The following CHODL variants were observed in gnomAD, a reference collection of about 807,000 sequenced individuals.
The protein encoded by CHODL is chondrolectin, also known as transmembrane protein MT75.
In CHODL, 29 loss-of-function variants were observed where a neutral mutation model predicts 34.5. The observed-to-expected ratio is 0.84, with a 90% CI of 0.63 to 1.15. The LOEUF (loss-of-function observed/expected upper bound fraction) is 1.15. Ranked by LOEUF, CHODL falls within the 50% of genes most tolerant of loss-of-function variation. The pLI, the probability that CHODL is intolerant of heterozygous loss-of-function variation, is 0.00. For synonymous variants in CHODL, 125 were observed against 116.1 expected (o/e 1.08, Z -0.49); for missense variants, 332 against 332.5 (o/e 1.00, Z 0.01).
chr21:17,991,411 C>T (rs369624136), intron 1 of CHODL, among the ~76,000 whole-genome samples: 65 of 152,118 alleles, frequency 4.3e-4, no homozygotes, highest in Middle Eastern at 6.8e-3. Context: ...TATTAATTTA[C>T]ATTCCCACCA....
At chr21:18,145,463 A>G (rs898219257) in intron 2 of CHODL, among the ~76,000 whole-genome samples, 6 of 149,606 alleles carry the variant, frequency 4.0e-5, no homozygotes, top group Admixed American at 4.0e-4. Context: ...AAAAAGCGGC[A>G]TTCAATATGA....
intron 2 of CHODL, among the ~76,000 whole-genome samples, chr21:18,184,154 C>T (rs2073413875): frequency 6.6e-6 from 1 of 151,982 alleles, no homozygotes; most frequent in Admixed American, 6.6e-5. Flanking sequence ...ACAAAGCATC[C>T]TAAGAAAATC....
intron 4 of CHODL, 93 bp from the exon 5 acceptor site, chr21:18,262,698 T>C (rs1268949336): frequency 1.4e-6 from 1 of 730,816 alleles, no homozygotes. Flanking sequence ...GAAAATTCTA[T>C]TTCACCTGAA....
chr21:18,259,584 G>T (rs1412635386), intron 3 of CHODL, among the ~76,000 whole-genome samples: 7 of 152,032 alleles, frequency 4.6e-5, no homozygotes, highest in Non-Finnish European at 1.0e-4. Context: ...ATAAAACTAG[G>T]GAAAGAAACA....
At chr21:18,218,218 T>C (rs1375615749) in intron 2 of CHODL, among the ~76,000 whole-genome samples, 4 of 152,252 alleles carry the variant, frequency 2.6e-5, no homozygotes, top group Non-Finnish European at 5.9e-5. Context: ...AGGTTCTCCA[T>C]GAGGGTTCTG....
At chr21:18,240,190 A>G (rs986312840), upstream of CHODL, among the ~76,000 whole-genome samples, 1 of 152,132 alleles carries the variant, frequency 6.6e-6, no homozygotes, top group Non-Finnish European at 1.5e-5. Flanking sequence ...GTGACATTTT[A>G]CAATTAAATT....
intron 2 of CHODL, among the ~76,000 whole-genome samples, chr21:18,078,307 T>G (rs1001403518): frequency 2.6e-5 from 4 of 151,950 alleles, no homozygotes; most frequent in African/African-American, 4.8e-5. Context: ...CAAGAAAGTG[T>G]GTGCAGGGGA....
intron 2 of CHODL, among the ~76,000 whole-genome samples, chr21:18,215,208 A>G (rs2073813006): frequency 6.6e-6 from 1 of 151,948 alleles, no homozygotes; most frequent in East Asian, 1.9e-4. Context: ...TGAAAAAAAA[A>G]AAAAGGTTTT....
At chr21:18,096,179 T>C (rs1755767903) in intron 2 of CHODL, among the ~76,000 whole-genome samples, 1 of 152,228 alleles carries the variant, frequency 6.6e-6, no homozygotes, top group Admixed American at 6.5e-5. Context: ...TGTAATTTCC[T>C]ATCCCTGTCT....
chr21:18,191,728 G>A (rs73893017), intron 2 of CHODL, among the ~76,000 whole-genome samples: 2,130 of 152,160 alleles, frequency 0.014, 50 homozygotes, highest in African/African-American at 0.046. Context: ...GCAAGATTTC[G>A]CTTATATATG....
At chr21:17,922,598 A>G (rs2063191389) in intron 1 of CHODL, among the ~76,000 whole-genome samples, 1 of 152,228 alleles carries the variant, frequency 6.6e-6, no homozygotes, top group African/African-American at 2.4e-5. Flanking sequence ...TTAATTGCCC[A>G]TGTAGTGTGA....
At chr21:18,211,072 C>T (rs2073768242) in intron 2 of CHODL, among the ~76,000 whole-genome samples, 1 of 151,904 alleles carries the variant, frequency 6.6e-6, no homozygotes, top group Non-Finnish European at 1.5e-5. Flanking sequence ...CTCACCACTC[C>T]TGTTCATACA....
chr21:18,159,565 T>C (rs11702737), intron 2 of CHODL, among the ~76,000 whole-genome samples: 90,597 of 152,074 alleles, frequency 0.6, 29,360 homozygotes, highest in Non-Finnish European at 0.74. Flanking sequence ...TTTCGAGAAC[T>C]TTCTACATTT....
chr21:18,158,010 C>T (rs2073054203), intron 2 of CHODL, among the ~76,000 whole-genome samples: 1 of 145,440 alleles, frequency 6.9e-6, no homozygotes, highest in Non-Finnish European at 1.5e-5. Context: ...CAATAAGAAA[C>T]ATTAAGATGG....
chr21:18,093,285 A>T (rs2065096581), intron 2 of CHODL, among the ~76,000 whole-genome samples: 1 of 152,182 alleles, frequency 6.6e-6, no homozygotes, highest in Non-Finnish European at 1.5e-5. Flanking sequence ...TCCCAGGCAA[A>T]CAAAAGCTGA....
intron 2 of CHODL, among the ~76,000 whole-genome samples, chr21:18,051,596 G>C (rs2064517335): frequency 6.6e-6 from 1 of 151,822 alleles, no homozygotes; most frequent in Non-Finnish European, 1.5e-5. Flanking sequence ...TAAAAGAGCA[G>C]TTTAGAACTT....
chr21:17,996,211 CA>C (rs1737743286), intron 1 of CHODL, among the ~76,000 whole-genome samples: 1 of 151,990 alleles, frequency 6.6e-6, no homozygotes, highest in Non-Finnish European at 1.5e-5. Context: ...TTGATAAGAT[CA>C]AATACCTCCT....
At chr21:17,988,535 C>T (rs1320497791) in intron 1 of CHODL, among the ~76,000 whole-genome samples, 1 of 121,912 alleles carries the variant, frequency 8.2e-6, no homozygotes, top group Non-Finnish European at 1.7e-5. Context: ...TCTCCTAAAG[C>T]TATCCCTCCC....
intron 1 of CHODL, among the ~76,000 whole-genome samples, chr21:18,003,090 C>T (rs1025473285): frequency 4.7e-5 from 7 of 149,254 alleles, no homozygotes; most frequent in Admixed American, 3.3e-4. Flanking sequence ...CGCCACTGCA[C>T]TCCAGCCTGG....
Sources: gnomAD v4.1 joint callset for allele counts (sites outside exome capture counted in the v4.1 genomes callset) on GRCh38, gnomAD v4.1.1 for gene constraint, MANE v1.5 for transcripts, NCBI Gene and HGNC (gene_info 2026-07-23, HGNC 2026-07-21) for gene names.